Variants in CSF1 observed in about 807,000 individuals in gnomAD.
CSF1 encodes the protein colony stimulating factor 1, also known as macrophage colony-stimulating factor 1.
CSF1 carries 9 observed loss-of-function variants against 48.9 expected under a neutral mutation model. The observed-to-expected ratio is 0.18, with a 90% confidence interval of 0.11 to 0.32. CSF1 has a LOEUF of 0.32. Ranked by LOEUF, CSF1 falls within the 10% of genes least tolerant of loss-of-function variation. The probability of loss-of-function intolerance (pLI) is 1.00; values close to 1 mark genes in which losing one functional copy is unlikely to be tolerated. For synonymous variants in CSF1, 305 were observed against 284.1 expected (o/e 1.07, Z -0.74); for missense variants, 672 against 697.9 (o/e 0.96, Z 0.42).
At chr1:109,917,988 G>A (rs1180803694) in intron 4 of CSF1, among the ~76,000 whole-genome samples, 2 of 152,186 alleles carry the variant, frequency 1.3e-5, no homozygotes, top group South Asian at 2.1e-4. Context: ...GAGTAAACCA[G>A]GGATGAGACG....
chr1:109,912,783 C>T (rs1326385758), intron 1 of CSF1, among the ~76,000 whole-genome samples: 1 of 152,176 alleles, frequency 6.6e-6, no homozygotes, highest in African/African-American at 2.4e-5. Flanking sequence ...CATTCCTGAA[C>T]CTAAGGTTTC....
At chr1:109,925,387 C>T (rs3138072) in intron 8 of CSF1, among the ~76,000 whole-genome samples, 185 bp downstream of exon 8, 1 of 152,028 alleles carries the variant, frequency 6.6e-6, no homozygotes, top group African/African-American at 2.4e-5. Context: ...CCTCAGCTAT[C>T]CCCCTGCCCC....
At chr1:109,928,809 C>G (rs895907498) in intron 8 of CSF1, 43 bp from the exon 9 acceptor site, 1 of 152,832 alleles carries the variant, frequency 6.5e-6, no homozygotes, top group Non-Finnish European at 1.5e-5. Context: ...CGACCCTCCC[C>G]GCATTCCCAC....
At chr1:109,914,203 T>C in intron 1 of CSF1, 56 bp from the exon 2 acceptor site, 1 of 1,540,542 alleles carries the variant, frequency 6.5e-7, no homozygotes, top group Non-Finnish European at 8.8e-7. Context: ...GAGCAGGGCA[T>C]GGGGATAACT....
intron 3 of CSF1, among the ~76,000 whole-genome samples, chr1:109,916,745 A>T (rs947858410): frequency 2.0e-5 from 3 of 152,126 alleles, no homozygotes; most frequent in Non-Finnish European, 4.4e-5. Flanking sequence ...TTGCTCTAGC[A>T]CTCATGCCTG....
chr1:109,914,954 C>T (rs560516449), intron 2 of CSF1, among the ~76,000 whole-genome samples: 12 of 152,312 alleles, frequency 7.9e-5, no homozygotes, highest in Admixed American at 2.6e-4. Flanking sequence ...CAGACCCATA[C>T]GTGGTCCAGC....
chr1:109,913,265 G>A (rs1654767831), intron 1 of CSF1, among the ~76,000 whole-genome samples: 1 of 152,230 alleles, frequency 6.6e-6, no homozygotes, highest in Non-Finnish European at 1.5e-5. Context: ...TACCCTGCCA[G>A]CATTTCCCTG....
At chr1:109,914,193 G>A in intron 1 of CSF1, 66 bp from the exon 2 acceptor site, 1 of 1,500,664 alleles carries the variant, frequency 6.7e-7, no homozygotes, top group Non-Finnish European at 8.9e-7. Flanking sequence ...TTTCTGCGTT[G>A]AGCAGGGCAT....
Position 109,923,570 on chromosome 1 carries a change from G to A in CSF1, c.949G>A (p.Val317Ile), listed in dbSNP as rs150865280. The A allele has an allele frequency of 1.8e-5, 29 of 1,614,004 alleles. No individual in the cohort carries two copies. The highest frequency in any genetic ancestry group is 3.3e-5 in the Admixed American group (2 of 59,984). Residue 317 changes from valine (V) to isoleucine (I), a missense_variant, in exon 6 of 9, where the codon GTA (valine) becomes ATA (isoleucine). Physicochemically the swap from Val to Ile is conservative, Grantham distance 29. Transcript: ENST00000329608. ...EASGEASEIP[V>I]PQGTELSPSR... is the part of the protein sequence containing the mutation. ...CTCTGGAGAGGCCAGTGAGATTCCC[G>A]TACCCCAAGGGACAGAGCTTTCCCC...
At chr1:109,925,391 C>T (rs1557738799) in intron 8 of CSF1, among the ~76,000 whole-genome samples, 189 bp downstream of exon 8, 2 of 152,164 alleles carry the variant, frequency 1.3e-5, no homozygotes, top group East Asian at 3.9e-4. Context: ...AGCTATCCCC[C>T]TGCCCCTCCA....
chr1:109,923,405 G>A lies in CSF1; in HGVS notation c.784G>A (p.Glu262Lys), dbSNP rs527845264. 8 of 1,613,954 alleles carry A rather than the reference G, an allele frequency of 5.0e-6. No homozygotes were observed. The Admixed American group carries it at 8.3e-5, about 17-fold the overall frequency. ...ACCCAGGAGCACCTGCCAGAGCTTT[G>A]AGCCGCCAGAGACCCCAGTTGTCAA... is the stretch of plus-strand genomic sequence containing the variant. ...RPPRSTCQSF[E>K]PPETPVVKDS... The change falls in exon 6 of 9, where the codon GAG becomes AAG. Residue 262 changes from glutamate to lysine, a missense_variant. By Grantham distance (56) the Glu-to-Lys change is moderately conservative. This residue lies in a region of CSF1 where 591 missense variants were observed against 593.6 expected (regional missense o/e 1.00). Coordinates refer to ENST00000329608, the MANE Select transcript of CSF1 (RefSeq NM_000757.6).
At chr1:109,925,084 C>G in intron 7 of CSF1, 63 bp from the exon 8 acceptor site, 1 of 1,459,354 alleles carries the variant, frequency 6.9e-7, no homozygotes, top group Non-Finnish European at 9.6e-7. Context: ...GGTAAACTTA[C>G]GGAGTCCCCT....
chr1:109,924,155 G>A lies in CSF1; in HGVS notation c.1534G>A (p.Val512Ile), dbSNP rs140931502. The change falls in exon 6 of 9, where the codon GTC becomes ATC. Residue 512 changes from valine to isoleucine, a missense_variant. Physicochemically the swap from Val to Ile is conservative, Grantham distance 29. Around this residue, in one of 3 missense-constraint regions of CSF1, gnomAD observed 591 missense variants for 593.6 expected, o/e 1.00. Coordinates refer to ENST00000329608, the MANE Select transcript of CSF1 (RefSeq NM_000757.6). ...CAGTGTCATCCTGGTCTTGCTGGCCGTCGGAGGCCTCTTGTTCTACAGGTG... is the reference window on the plus strand; with the variant it reads ...CAGTGTCATCCTGGTCTTGCTGGCCATCGGAGGCCTCTTGTTCTACAGGTG... Reference protein sequence around the residue: ...VPSVILVLLAVGGLLFYRWRR... With the variant: ...VPSVILVLLAIGGLLFYRWRR... The A allele has an allele frequency of 2.9e-5, 47 of 1,613,156 alleles. No homozygotes were observed. The highest frequency in any genetic ancestry group is 5.5e-5 in the South Asian group (5 of 90,984).
chr1:109,914,590 T>A (rs1422723129), intron 2 of CSF1, among the ~76,000 whole-genome samples: 1 of 152,264 alleles, frequency 6.6e-6, no homozygotes, highest in East Asian at 1.9e-4. Context: ...AAGCCCTCTC[T>A]GACTGCCCTG....
Position 109,925,146 on chromosome 1 carries a change from GC to G in CSF1, c.1627del (p.Leu543Ter). ...ATACCAGCCCTGTGCTCTGCCTGCAGCCCCCTGACTCAGGATGACAGACAGG... is the reference window on the plus strand; with the variant it reads ...ATACCAGCCCTGTGCTCTGCCTGCAGCCCCTGACTCAGGATGACAGACAGG... ...ADSPLEQPEGSPLTQDDRQVE... is the reference protein window; with the variant it reads ...ADSPLEQPEGXPLTQDDRQVE... On this transcript the variant is annotated frameshift_variant and splice_region_variant, in exon 8 of 9. Transcript: ENST00000329608. LOFTEE classifies it high-confidence loss of function. The G allele has an allele frequency of 6.2e-7, 1 of 1,613,332 alleles. No individual in the cohort carries two copies. The highest frequency in any genetic ancestry group is 8.5e-7 in the Non-Finnish European group (1 of 1,179,454).
chr1:109,927,753 T>A (rs1275209031), intron 8 of CSF1, among the ~76,000 whole-genome samples: 1 of 152,168 alleles, frequency 6.6e-6, no homozygotes, highest in Non-Finnish European at 1.5e-5. Flanking sequence ...CTAGAGTGAC[T>A]GCTGCTGTGA....
chr1:109,921,657 G>A (rs1255332939), intron 4 of CSF1, among the ~76,000 whole-genome samples, 190 bp from the exon 5 acceptor site: 1 of 152,184 alleles, frequency 6.6e-6, no homozygotes, highest in Admixed American at 6.5e-5. Flanking sequence ...TATGTTGAAT[G>A]GGTCTGTGAA....
At chr1:109,916,236 C>A (rs576313880) in intron 3 of CSF1, among the ~76,000 whole-genome samples, 86 of 152,284 alleles carry the variant, frequency 5.6e-4, no homozygotes, top group African/African-American at 1.6e-3. Context: ...TCTCCTCCAT[C>A]CCCACCTTCA....
Position 109,917,283 on chromosome 1 carries a change from T to C in CSF1, c.226-10T>C. 1.2e-6 allele frequency: 2 copies of C among 1,612,460 alleles called. No individual in the cohort carries two copies. The highest frequency in any genetic ancestry group is 1.7e-4 in the Middle Eastern group (1 of 6,050). On this transcript the variant is annotated splice_polypyrimidine_tract_variant and intron_variant, in intron 3 of 8. Coordinates refer to ENST00000329608, the MANE Select transcript of CSF1 (RefSeq NM_000757.6). ...GGCCAGGCCATAAGCTCCAGGTTCC[T>C]GTTTTTCAGAAAGATCCAGTGTGCT...
Sources: gnomAD v4.1 joint callset for allele counts (sites outside exome capture counted in the v4.1 genomes callset) on GRCh38, gnomAD v4.1.1 for gene constraint, gnomAD v4.1.1 regional missense constraint, MANE v1.5 for transcripts, NCBI Gene and HGNC (gene_info 2026-07-23, HGNC 2026-07-21) for gene names.